POTEB: variants seen among roughly 807,000 people sequenced by gnomAD.
POTEB encodes ANKRD26-like family B, member 1.
intron 10 of POTEB, among the ~76,000 whole-genome samples, chr15:21,847,389 G>C (rs1270881289): frequency 2.9e-5 from 2 of 69,362 alleles, no homozygotes; most frequent in African/African-American, 9.3e-5. Context: ...TATGCAACGT[G>C]CAAGATTTTT....
In POTEB at chr15:21,851,623, T is replaced by C. The variant is rs1194144805; in HGVS notation, c.1299-3301A>G. Among the ~76,000 whole-genome samples, 3 of 136,604 alleles carry C rather than the reference T, an allele frequency of 2.2e-5. No homozygotes were observed. The East Asian group carries it at 6.2e-4, about 28-fold the overall frequency. 89.6% of individuals were successfully genotyped at this position (136,604 alleles called of 152,430 possible). ...TTAAGGAATAAATTATACAGAGAAA[T>C]ATGTATTTTAAAAAAGGAAAACAGA... is the stretch of plus-strand genomic sequence containing the variant. On this transcript the variant is annotated intron_variant, in intron 9 of 10. Coordinates refer to ENST00000439682, the MANE Select transcript of POTEB (RefSeq NM_001277304.2).
intron 9 of POTEB, among the ~76,000 whole-genome samples, chr15:21,849,165 TA>T (rs1196241671): frequency 2.4e-5 from 2 of 84,326 alleles, no homozygotes; most frequent in African/African-American, 8.4e-5. Flanking sequence ...AGATGTGAAA[TA>T]AACTGATCAT....
intron 9 of POTEB, among the ~76,000 whole-genome samples, chr15:21,855,517 AAAAT>A (rs1889872311): frequency 7.5e-6 from 1 of 132,764 alleles, no homozygotes; most frequent in South Asian, 2.6e-4. Flanking sequence ...TGTCTCAAAA[AAAAT>A]AAATATATAT....
At chr15:21,854,291 G>A (rs1226148414) in intron 9 of POTEB, among the ~76,000 whole-genome samples, 1 of 141,164 alleles carries the variant, frequency 7.1e-6, no homozygotes, top group Non-Finnish European at 1.6e-5. Context: ...AAAGAAGACT[G>A]AGGAGTGAGC....
At position 21,853,349 on chromosome 15, in the gene POTEB, G is replaced by A. The variant is rs1359273032; in HGVS notation, c.1298+3443C>T. Reference sequence around the variant, plus strand: ...TGTGCCTGGCATCTTTAAGCACTAGGGGTAGATAAGGGACGGCAAGAATTC... The same window carrying A: ...TGTGCCTGGCATCTTTAAGCACTAGAGGTAGATAAGGGACGGCAAGAATTC... On this transcript the variant is annotated intron_variant, in intron 9 of 10. Transcript: ENST00000439682. 1.5e-3 allele frequency among the ~76,000 whole-genome samples: 14 copies of A among 9,428 alleles called. 6 individuals are homozygous for A. Among genetic ancestry groups the A allele is most frequent in the African/African-American group, 1.6e-3 (14 of 8,848 alleles). 6.2% of individuals were successfully genotyped at this position (9,428 alleles called of 152,430 possible). A position where few individuals can be genotyped will look rare whatever the true frequency, so the allele number is the denominator to read the frequency against.
chr15:21,855,389 T>C (rs1889866834), intron 9 of POTEB, among the ~76,000 whole-genome samples: 1 of 145,818 alleles, frequency 6.9e-6, no homozygotes. Context: ...TGTTGCACAC[T>C]TGGGGTCCCA....
At chr15:21,847,420 TG>T (rs1385016294) in intron 10 of POTEB, among the ~76,000 whole-genome samples, 2 of 63,596 alleles carry the variant, frequency 3.1e-5, no homozygotes, top group Non-Finnish European at 7.2e-5. Flanking sequence ...CTGATGCTAC[TG>T]TTAGTGATCC....
chr15:21,865,235 CA>C (rs1353090289), intron 5 of POTEB, 149 bp from the exon 6 acceptor site: 1 of 47,234 alleles, frequency 2.1e-5, no homozygotes, highest in Non-Finnish European at 3.7e-5. Flanking sequence ...GTACATTCTA[CA>C]AACTTTTCTT....
intron 9 of POTEB, among the ~76,000 whole-genome samples, chr15:21,855,352 T>G (rs1247498556): frequency 1.4e-5 from 2 of 147,628 alleles, no homozygotes; most frequent in Non-Finnish European, 3.0e-5. Flanking sequence ...CACTTTACAG[T>G]CCATAGAGTC....
At chr15:21,855,405 T>C (rs1214330831) in intron 9 of POTEB, among the ~76,000 whole-genome samples, 1 of 144,370 alleles carries the variant, frequency 6.9e-6, no homozygotes, top group Non-Finnish European at 1.5e-5. Context: ...TCCCAGCTAA[T>C]AGAGAGGCTG....
At chr15:21,849,041 T>C (rs1473425021) in intron 9 of POTEB, among the ~76,000 whole-genome samples, 1 of 113,646 alleles carries the variant, frequency 8.8e-6, no homozygotes, top group Non-Finnish European at 1.9e-5. Context: ...ACTTATATTC[T>C]TTATTCCTCT....
In POTEB at chr15:21,871,404, C is replaced by CACACACACACACACACAA. The variant is rs1378742867; in HGVS notation, c.699+602_699+603insTTGTGTGTGTGTGTGTGT. Among the ~76,000 whole-genome samples, 43 of 19,286 alleles carry CACACACACACACACACAA rather than the reference C, an allele frequency of 2.2e-3. 8 individuals carry two copies. Among genetic ancestry groups the CACACACACACACACACAA allele is most frequent in the African/African-American group, 4.8e-3 (38 of 7,862 alleles). 12.7% of individuals were successfully genotyped at this position (19,286 alleles called of 152,430 possible). A position where few individuals can be genotyped will look rare whatever the true frequency, so the allele number is the denominator to read the frequency against. On this transcript the variant is annotated intron_variant, in intron 3 of 10. Coordinates refer to ENST00000439682, the MANE Select transcript of POTEB (RefSeq NM_001277304.2). ...ACACACACACACACACACACACACA[C>CACACACACACACACACAA]AAACAAAAACAAAAACAAAAACAAA...
intron 7 of POTEB, among the ~76,000 whole-genome samples, chr15:21,859,025 TA>T (rs1335165376): frequency 1.5e-5 from 1 of 68,252 alleles, no homozygotes; most frequent in Non-Finnish European, 2.7e-5. Context: ...TATTGCTTAA[TA>T]ATATAATCCA....
At chr15:21,871,404 C>CACACAA (rs1378742867) in intron 3 of POTEB, among the ~76,000 whole-genome samples, 312 of 19,276 alleles carry the variant, frequency 0.016, 116 homozygotes, top group Middle Eastern at 0.048. Flanking sequence ...CACACACACA[C>CACACAA]AAACAAAAAC....
chr15:21,854,695 CCA>C (rs1435656452), intron 9 of POTEB, among the ~76,000 whole-genome samples: 1 of 148,978 alleles, frequency 6.7e-6, no homozygotes, highest in Non-Finnish European at 1.5e-5. Flanking sequence ...TAATTTTCTT[CCA>C]CAGTCATGGA....
intron 9 of POTEB, among the ~76,000 whole-genome samples, chr15:21,855,033 T>C (rs1248539903): frequency 6.9e-6 from 1 of 145,448 alleles, no homozygotes; most frequent in Non-Finnish European, 1.5e-5. Context: ...TTGATCACCA[T>C]AAAATACTGA....
chr15:21,854,939 TA>T (rs1889846057), intron 9 of POTEB, among the ~76,000 whole-genome samples: 1 of 145,054 alleles, frequency 6.9e-6, no homozygotes, highest in Non-Finnish European at 1.5e-5. Flanking sequence ...CAAGAAAAAC[TA>T]AAAGTTTCAA....
At chr15:21,847,190 C>T (rs1268148678) in intron 10 of POTEB, among the ~76,000 whole-genome samples, 2 of 127,010 alleles carry the variant, frequency 1.6e-5, no homozygotes, top group African/African-American at 5.4e-5. Flanking sequence ...AAAATATATG[C>T]AGCCAGGACC....
At chr15:21,855,377 G>A (rs1303885106) in intron 9 of POTEB, among the ~76,000 whole-genome samples, 2 of 146,630 alleles carry the variant, frequency 1.4e-5, no homozygotes, top group African/African-American at 4.9e-5. Context: ...AGCTGGGTGT[G>A]ATGTTGCACA....
Sources: gnomAD v4.1 joint callset for allele counts (sites outside exome capture counted in the v4.1 genomes callset) on GRCh38, gnomAD v4.1.1 for gene constraint, MANE v1.5 for transcripts, NCBI Gene and HGNC (gene_info 2026-07-23, HGNC 2026-07-21) for gene names.